MTRFR: variants seen among roughly 807,000 people sequenced by gnomAD.
MTRFR encodes the protein probable peptide chain release factor C12orf65, mitochondrial.
In MTRFR, 10 loss-of-function variants were observed where a neutral mutation model predicts 11.9. The ratio of observed to expected loss-of-function variants is 0.84; its 90% CI spans 0.52 to 1.42. The LOEUF is 1.42. Ranked by LOEUF, MTRFR falls within the 40% of genes most tolerant of loss-of-function variation. The pLI, the probability that MTRFR is intolerant of heterozygous loss-of-function variation, is 0.00. For synonymous variants in MTRFR, 77 were observed against 79.1 expected, an observed-to-expected ratio of 0.97 and a Z score of 0.14; for missense variants, 196 against 197.9, an observed-to-expected ratio of 0.99 and a Z score of 0.06.
intron 1 of MTRFR, chr12:123,251,528 A>G (rs1056504495): frequency 6.6e-6 from 1 of 151,872 alleles, no homozygotes; most frequent in Non-Finnish European, 1.5e-5. Flanking sequence ...TGCTTCCTCT[A>G]CCCCTGTAGT....
At chr12:123,245,091 T>C (rs1051469411) in intron 1 of MTRFR, among the ~76,000 whole-genome samples, 17 of 151,540 alleles carry the variant, frequency 1.1e-4, no homozygotes, top group Non-Finnish European at 2.9e-5. Context: ...TGGGATTACA[T>C]GCGCCCACCA....
intron 1 of MTRFR, chr12:123,252,526 CA>C (rs910843179): frequency 2.0e-5 from 3 of 151,354 alleles, no homozygotes; most frequent in Admixed American, 6.6e-5. Context: ...CAGATGTTCA[CA>C]TTCAAATCCA....
At chr12:123,239,503 A>G (rs1449155011) in intron 1 of MTRFR, among the ~76,000 whole-genome samples, 1 of 152,088 alleles carries the variant, frequency 6.6e-6, no homozygotes, top group African/African-American at 2.4e-5. Flanking sequence ...CCCAGGTTCA[A>G]GCGATTCTCC....
chr12:123,244,805 G>A (rs2048010003), intron 1 of MTRFR, among the ~76,000 whole-genome samples: 1 of 150,510 alleles, frequency 6.6e-6, no homozygotes, highest in Admixed American at 6.7e-5. Flanking sequence ...GCTAATTTTT[G>A]TATTTTTAGT....
Position 123,257,286 on chromosome 12 carries a change from G to A in MTRFR, c.*255G>A, listed in dbSNP as rs907146072. On this transcript the variant is annotated 3_prime_UTR_variant, in exon 3 of 3. Transcript: ENST00000253233. ...TCCCAGCACTTTGGGAGGCCGAGGC[G>A]GGCGGATCACTTGAGGTCAGGAGTT... The A allele has an allele frequency of 3.7e-5, 15 of 407,634 alleles. No homozygotes were observed. Among genetic ancestry groups the A allele is most frequent in the Middle Eastern group, 7.0e-4 (1 of 1,432 alleles). The allele number at this position is 407,634 out of a possible 1,614,324, so 25.3% of individuals were successfully genotyped here.
At chr12:123,235,692 T>G (rs1447901253) in intron 1 of MTRFR, among the ~76,000 whole-genome samples, 1 of 151,802 alleles carries the variant, frequency 6.6e-6, no homozygotes, top group Non-Finnish European at 1.5e-5. Context: ...TTATCTTAAT[T>G]AATTGTTCAC....
intron 1 of MTRFR, among the ~76,000 whole-genome samples, chr12:123,239,171 C>T (rs768582798): frequency 1.4e-4 from 22 of 152,026 alleles, no homozygotes; most frequent in Non-Finnish European, 2.9e-5. Context: ...CAGGAGGCTG[C>T]GGTGAGAGGA....
intron 1 of MTRFR, chr12:123,240,840 TCTCC>T (rs2047923888): frequency 6.6e-6 from 1 of 150,874 alleles, no homozygotes; most frequent in Admixed American, 6.6e-5. Context: ...TTGAAGCGAT[TCTCC>T]TGCCTCAGCC....
At chr12:123,246,921 G>C (rs2048051438) in intron 1 of MTRFR, among the ~76,000 whole-genome samples, 1 of 151,588 alleles carries the variant, frequency 6.6e-6, no homozygotes, top group Non-Finnish European at 1.5e-5. Flanking sequence ...AGTAGAGACA[G>C]GGTTTTACTG....
At chr12:123,236,398 T>C (rs1458670657) in intron 1 of MTRFR, among the ~76,000 whole-genome samples, 2 of 151,562 alleles carry the variant, frequency 1.3e-5, no homozygotes, top group African/African-American at 4.9e-5. Flanking sequence ...GTTCGAGACC[T>C]GCCTGGGCAA....
At chr12:123,248,146 T>G (rs2048067692) in intron 1 of MTRFR, 1 of 152,250 alleles carries the variant, frequency 6.6e-6, no homozygotes, top group Non-Finnish European at 1.5e-5. Flanking sequence ...TAGCAGTTTT[T>G]GTAGCAGTGG....
intron 1 of MTRFR, among the ~76,000 whole-genome samples, chr12:123,237,559 G>T (rs1273787141): frequency 6.6e-6 from 1 of 152,186 alleles, no homozygotes; most frequent in Non-Finnish European, 1.5e-5. Context: ...ATTTAGACCA[G>T]ACCTAGAGTA....
intron 1 of MTRFR, chr12:123,240,626 C>A (rs1374461321): frequency 6.8e-5 from 10 of 147,052 alleles, no homozygotes; most frequent in Non-Finnish European, 1.5e-4. Flanking sequence ...AAAAAAAAAA[C>A]AAACAGTGAA....
At chr12:123,233,381 C>G (rs1246490059), upstream of MTRFR, 1 of 152,268 alleles carries the variant, frequency 6.6e-6, no homozygotes, top group Non-Finnish European at 1.5e-5. Flanking sequence ...CTCGCATGCG[C>G]AGTGAGTAAA....
Position 123,257,227 on chromosome 12 carries a change from G to A in MTRFR, c.*196G>A. 1.7e-6 allele frequency: 1 copy of A among 599,056 alleles called. No homozygotes were observed. Among genetic ancestry groups the A allele is most frequent in the South Asian group, 2.0e-5 (1 of 49,144 alleles). 37.1% of individuals were successfully genotyped at this position (599,056 alleles called of 1,614,324 possible). On this transcript the variant is annotated 3_prime_UTR_variant, in exon 3 of 3. Coordinates refer to ENST00000253233, the MANE Select transcript of MTRFR (RefSeq NM_152269.5). The stretch of plus-strand genomic sequence containing the variant: ...ATGCACGATTCAAGAATAAAACTCG[G>A]CTGGGCACGGTGGACGGTGCCTCAC...
chr12:123,251,594 C>A (rs2048111763), intron 1 of MTRFR: 1 of 152,468 alleles, frequency 6.6e-6, no homozygotes, highest in East Asian at 1.9e-4. Context: ...CTCCTGCAAA[C>A]AGACCTTCAG....
At chr12:123,238,043 ACAC>A (rs2047878525) in intron 1 of MTRFR, among the ~76,000 whole-genome samples, 2 of 152,048 alleles carry the variant, frequency 1.3e-5, no homozygotes, top group South Asian at 2.1e-4. Flanking sequence ...CTACAGGTGC[ACAC>A]CACCACATCT....
chr12:123,252,030 C>CCCATCTCATCTGTCTTTT, intron 1 of MTRFR: 1 of 152,402 alleles, frequency 6.6e-6, no homozygotes, highest in East Asian at 1.9e-4. Context: ...AGAGTCTAGG[C>CCCATCTCATCTGTCTTTT]CCATCTCATC....
At chr12:123,244,885 CCT>C (rs1213401684) in intron 1 of MTRFR, among the ~76,000 whole-genome samples, 8 of 149,290 alleles carry the variant, frequency 5.4e-5, no homozygotes, top group Non-Finnish European at 1.5e-5. Context: ...CCCGCCTCAG[CCT>C]CCCAAAGTGC....
Sources: allele counts gnomAD v4.1 joint callset (sites outside exome capture counted in the v4.1 genomes callset), GRCh38; gene constraint gnomAD v4.1.1; transcripts MANE v1.5; gene names NCBI Gene and HGNC (gene_info 2026-07-23, HGNC 2026-07-21).